Variants in KDM4C observed in about 807,000 individuals in gnomAD.
KDM4C encodes the protein lysine demethylase 4C.
A neutral mutation model predicts 129.3 loss-of-function variants in KDM4C; 81 were observed. The ratio of observed to expected loss-of-function variants is 0.63; its 90% CI spans 0.52 to 0.75. The LOEUF (loss-of-function observed/expected upper bound fraction) is 0.75, where lower values mean the gene tolerates loss of function less well. Among genes scored for constraint, KDM4C ranks in the 30% least tolerant of loss-of-function variants. The pLI is 0.00. For missense variants in KDM4C, 1,457 were observed against 1,304.0 expected, an observed-to-expected ratio of 1.12 and a Z score of -1.81; for synonymous variants, 573 against 456.1, an observed-to-expected ratio of 1.26 and a Z score of -3.26.
At chr9:7,046,749 G>C (rs1829455794) in intron 15 of KDM4C, 113 bp from the exon 16 acceptor site, 1 of 805,042 alleles carries the variant, frequency 1.2e-6, no homozygotes, top group African/African-American at 1.7e-5. Context: ...TGTAATTCCT[G>C]ATGGTTTTAA....
intron 19 of KDM4C, among the ~76,000 whole-genome samples, chr9:7,156,251 C>T (rs200720742): frequency 6.6e-6 from 1 of 152,122 alleles, no homozygotes. Flanking sequence ...TTCTGGATAT[C>T]AGCCCTTTGT....
intron 19 of KDM4C, among the ~76,000 whole-genome samples, chr9:7,153,169 C>G (rs1842868563): frequency 6.6e-6 from 1 of 152,142 alleles, no homozygotes; most frequent in Non-Finnish European, 1.5e-5. Flanking sequence ...AACTCCTGAG[C>G]TCAAGTGATC....
chr9:6,966,336 C>G (rs1830963155), intron 8 of KDM4C, among the ~76,000 whole-genome samples: 1 of 152,230 alleles, frequency 6.6e-6, no homozygotes, highest in South Asian at 2.1e-4. Flanking sequence ...GCGCCCGCCA[C>G]TGCGCCCAGC....
intron 8 of KDM4C, among the ~76,000 whole-genome samples, chr9:6,926,932 A>G (rs1822682521): frequency 6.6e-6 from 1 of 152,196 alleles, no homozygotes; most frequent in African/African-American, 2.4e-5. Flanking sequence ...ATGCAATTAA[A>G]TGTATACATG....
intron 1 of KDM4C, among the ~76,000 whole-genome samples, chr9:6,735,833 C>G (rs1025300089): frequency 6.6e-6 from 1 of 152,134 alleles, no homozygotes; most frequent in African/African-American, 2.4e-5. Flanking sequence ...AACTGGGTAA[C>G]AGGCAGAGAT....
rs551863533 is a variant in KDM4C, at chr9:7,132,318, A to C, written c.2781+4082A>C. Among the ~76,000 whole-genome samples the C allele has an allele frequency of 7.4e-4, 113 of 152,310 alleles. 1 individual carries two copies. Among genetic ancestry groups the C allele is most frequent in the Non-Finnish European group, 1.2e-3 (80 of 68,024 alleles). ...TCCTTTAATGCAGGCTGGCCTATCC[A>C]TGTTTGAGAATTTTGGCAGGCGTTA... On this transcript the variant is annotated intron_variant, in intron 19 of 21. Coordinates refer to ENST00000381309, the MANE Select transcript of KDM4C (RefSeq NM_015061.6).
chr9:6,895,941 T>C (rs1356209637), intron 8 of KDM4C, among the ~76,000 whole-genome samples: 4 of 152,218 alleles, frequency 2.6e-5, no homozygotes, highest in Admixed American at 2.6e-4. Flanking sequence ...TACATTATAG[T>C]AAGCTGAGTT....
intron 8 of KDM4C, among the ~76,000 whole-genome samples, chr9:6,969,390 G>A (rs964019454): frequency 1.3e-5 from 2 of 152,090 alleles, no homozygotes; most frequent in East Asian, 3.8e-4. Context: ...TAAAAATCAA[G>A]CCTCCACATT....
intron 1 of KDM4C, among the ~76,000 whole-genome samples, chr9:6,722,744 C>T (rs910573392): frequency 2.0e-5 from 3 of 151,940 alleles, no homozygotes; most frequent in African/African-American, 7.3e-5. Flanking sequence ...AACTCTCAAC[C>T]TCAGGTGATC....
At chr9:6,924,499 T>C (rs935934805) in intron 8 of KDM4C, among the ~76,000 whole-genome samples, 1 of 152,182 alleles carries the variant, frequency 6.6e-6, no homozygotes, top group Non-Finnish European at 1.5e-5. Context: ...TGTCCTTAGT[T>C]TGGGGAATTA....
At chr9:7,072,599 T>C (rs940555211) in intron 17 of KDM4C, among the ~76,000 whole-genome samples, 4 of 152,174 alleles carry the variant, frequency 2.6e-5, no homozygotes, top group African/African-American at 9.7e-5. Context: ...AATGGATTAG[T>C]GCTGGGCCTT....
upstream of KDM4C, among the ~76,000 whole-genome samples, chr9:6,756,792 G>T (rs574395554): frequency 6.6e-6 from 1 of 152,296 alleles, no homozygotes; most frequent in East Asian, 1.9e-4. Flanking sequence ...CAATAATCCC[G>T]TTAGCCTTAG....
intron 1 of KDM4C, among the ~76,000 whole-genome samples, chr9:6,772,941 C>G (rs543272398): frequency 6.6e-6 from 1 of 151,804 alleles, no homozygotes; most frequent in Non-Finnish European, 1.5e-5. Flanking sequence ...GGTGATCCAC[C>G]CACCTCGGCC....
intron 5 of KDM4C, among the ~76,000 whole-genome samples, chr9:6,862,952 C>T (rs1841230903): frequency 6.6e-6 from 1 of 152,124 alleles, no homozygotes; most frequent in South Asian, 2.1e-4. Flanking sequence ...CTTTAAGCCA[C>T]TTTATCTTAT....
At chr9:6,757,259 T>A (rs1156915926), upstream of KDM4C, among the ~76,000 whole-genome samples, 1 of 152,102 alleles carries the variant, frequency 6.6e-6, no homozygotes, top group Non-Finnish European at 1.5e-5. Flanking sequence ...TTATCAACTC[T>A]AGTTTCTGAG....
intron 1 of KDM4C, among the ~76,000 whole-genome samples, chr9:6,779,508 A>G (rs1470117950): frequency 2.0e-5 from 3 of 152,186 alleles, no homozygotes; most frequent in East Asian, 1.9e-4. Context: ...AACAGGTTCC[A>G]CAGCAACTTC....
chr9:6,815,664 T>C (rs1203620074), intron 4 of KDM4C, among the ~76,000 whole-genome samples: 1 of 152,202 alleles, frequency 6.6e-6, no homozygotes, highest in Non-Finnish European at 1.5e-5. Context: ...AGCATTTCCT[T>C]TGAGCATGAC....
intron 10 of KDM4C, among the ~76,000 whole-genome samples, chr9:6,985,172 T>C (rs1232950537): frequency 1.3e-5 from 2 of 152,234 alleles, no homozygotes; most frequent in African/African-American, 2.4e-5. Context: ...GAATGTCAGC[T>C]GTAGTCACCC....
At chr9:7,116,623 T>C (rs1838927618) in intron 18 of KDM4C, among the ~76,000 whole-genome samples, 1 of 152,196 alleles carries the variant, frequency 6.6e-6, no homozygotes, top group Admixed American at 6.5e-5. Context: ...GTTTGCTGAT[T>C]AATACTGGAC....
Sources: allele counts gnomAD v4.1 joint callset (sites outside exome capture counted in the v4.1 genomes callset), GRCh38; gene constraint gnomAD v4.1.1; transcripts MANE v1.5; gene names NCBI Gene and HGNC (gene_info 2026-07-23, HGNC 2026-07-21).